Variants in SHROOM2 observed in about 807,000 individuals in gnomAD.
The protein encoded by SHROOM2 is shroom family member 2, also known as protein Shroom2.
SHROOM2 carries 33 observed loss-of-function variants against 75.9 expected under a neutral mutation model. That is an observed-to-expected ratio of 0.43 (90% CI 0.33 to 0.58). SHROOM2 has a LOEUF of 0.58. SHROOM2 is among the 20% of genes least tolerant of loss of function. SHROOM2 has a pLI of 0.04. For missense variants in SHROOM2, 1,434 were observed against 1,461.2 expected, an observed-to-expected ratio of 0.98 and a Z score of 0.30; for synonymous variants, 655 against 663.6, an observed-to-expected ratio of 0.99 and a Z score of 0.20.
intron 1 of SHROOM2, among the ~76,000 whole-genome samples, chrX:9,809,287 G>C (rs747964021): frequency 1.8e-5 from 2 of 111,359 alleles, no homozygotes; most frequent in East Asian, 5.7e-4. Context: ...CATCCAGCAC[G>C]GGAGAAAGAT....
chrX:9,932,117 T>C, intron 5 of SHROOM2, 58 bp from the exon 6 acceptor site: 1 of 1,035,068 alleles, frequency 9.7e-7, no homozygotes, highest in South Asian at 2.5e-5. Context: ...GTCCAGTCCC[T>C]TGTGGTGGGA....
At chrX:9,865,964 G>A (rs929759828) in intron 1 of SHROOM2, among the ~76,000 whole-genome samples, 3 of 110,515 alleles carry the variant, frequency 2.7e-5, no homozygotes, top group African/African-American at 9.9e-5. Flanking sequence ...GGGCTGACCT[G>A]ACCTTCCCCT....
chrX:9,857,263 A>G (rs1226934934), intron 1 of SHROOM2, among the ~76,000 whole-genome samples: 1 of 112,278 alleles, frequency 8.9e-6, no homozygotes, highest in Non-Finnish European at 1.9e-5. Context: ...TGATGTTTAT[A>G]CAGAGTGGGG....
chrX:9,813,846 G>A (rs1030025095), intron 1 of SHROOM2, among the ~76,000 whole-genome samples: 9 of 112,066 alleles, frequency 8.0e-5, no homozygotes, highest in African/African-American at 2.9e-4. Context: ...TGCCTCTGCT[G>A]TCCATTATGG....
In SHROOM2 at chrX:9,947,776, C is replaced by A. The variant is rs888414776; in HGVS notation, c.*839C>A. On this transcript the variant is annotated 3_prime_UTR_variant, in exon 10 of 10. Transcript: ENST00000380913. ...AACAGAAGATTTTTTCAGTTACTTT[C>A]CCCCCATGTATTTTGTATGCATATG... 8.9e-6 allele frequency: 1 copy of A among 112,138 alleles called. No homozygotes were observed. Among genetic ancestry groups the A allele is most frequent in the Non-Finnish European group, 1.9e-5 (1 of 53,246 alleles). The allele number at this position is 112,138 out of a possible 1,213,427, so 9.2% of individuals were successfully genotyped here. A position where few individuals can be genotyped will look rare whatever the true frequency, so the allele number is the denominator to read the frequency against.
intron 1 of SHROOM2, among the ~76,000 whole-genome samples, chrX:9,799,843 A>G (rs990435203): frequency 3.6e-5 from 4 of 110,949 alleles, no homozygotes; most frequent in East Asian, 2.8e-4. Context: ...TTAATTTTCA[A>G]TGACCATTTT....
chrX:9,935,639 G>C (rs961153837), intron 6 of SHROOM2, among the ~76,000 whole-genome samples: 2 of 111,465 alleles, frequency 1.8e-5, no homozygotes, highest in Non-Finnish European at 3.8e-5. Flanking sequence ...AGGAAAATAC[G>C]CAGTTAGTTC....
chrX:9,939,409 C>T (rs781016598), intron 8 of SHROOM2, 43 bp downstream of exon 8: 8 of 1,094,065 alleles, frequency 7.3e-6, no homozygotes, highest in Middle Eastern at 2.5e-4. Context: ...CGTGTCCAGG[C>T]AGGGGCAGGC....
chrX:9,909,289 A>C (rs912854365), intron 5 of SHROOM2, among the ~76,000 whole-genome samples: 2 of 112,799 alleles, frequency 1.8e-5, no homozygotes. Flanking sequence ...CAATATATAA[A>C]ATGAATCCAC....
intron 1 of SHROOM2, among the ~76,000 whole-genome samples, chrX:9,794,778 GT>G (rs1234907910): frequency 1.8e-5 from 2 of 112,257 alleles, no homozygotes; most frequent in Non-Finnish European, 3.8e-5. Context: ...AGTCACTAGG[GT>G]TCAGGATAGT....
At chrX:9,835,573 G>C (rs925321361) in intron 1 of SHROOM2, among the ~76,000 whole-genome samples, 1 of 112,516 alleles carries the variant, frequency 8.9e-6, no homozygotes, top group Non-Finnish European at 1.9e-5. Flanking sequence ...CCTCAAAGAA[G>C]GGTTGTGTTT....
intron 2 of SHROOM2, among the ~76,000 whole-genome samples, chrX:9,887,158 T>C (rs1396497073): frequency 8.9e-6 from 1 of 112,223 alleles, no homozygotes; most frequent in African/African-American, 3.2e-5. Flanking sequence ...GTTTTTTGGC[T>C]AACTGCTGGT....
At chrX:9,886,846 A>G (rs755708494) in intron 2 of SHROOM2, among the ~76,000 whole-genome samples, 19 of 112,424 alleles carry the variant, frequency 1.7e-4, no homozygotes, top group African/African-American at 9.7e-5. Context: ...TCTTCCACCC[A>G]TGGAACAGTA....
chrX:9,810,835 T>G (rs1287758392), intron 1 of SHROOM2, among the ~76,000 whole-genome samples: 2 of 111,194 alleles, frequency 1.8e-5, no homozygotes, highest in African/African-American at 6.6e-5. Flanking sequence ...GGTGTTATAA[T>G]TGTGACTTCA....
intron 2 of SHROOM2, among the ~76,000 whole-genome samples, chrX:9,878,004 T>C (rs1238190619): frequency 1.8e-5 from 2 of 111,928 alleles, no homozygotes; most frequent in Admixed American, 9.5e-5. Flanking sequence ...GAGTCATCCA[T>C]TTTTCTCCCT....
intron 1 of SHROOM2, among the ~76,000 whole-genome samples, chrX:9,800,746 G>C (rs2083719771): frequency 9.2e-6 from 1 of 108,611 alleles, no homozygotes; most frequent in Middle Eastern, 4.4e-3. Flanking sequence ...AATCTCCTGA[G>C]CGCAAGTGAT....
At chrX:9,839,010 G>C (rs937927185) in intron 1 of SHROOM2, among the ~76,000 whole-genome samples, 5 of 111,171 alleles carry the variant, frequency 4.5e-5, no homozygotes, top group Non-Finnish European at 9.4e-5. Flanking sequence ...TTCCTTCCCT[G>C]TCGCACGTGG....
chrX:9,881,947 A>G (rs929430553), intron 2 of SHROOM2, among the ~76,000 whole-genome samples: 10 of 112,073 alleles, frequency 8.9e-5, no homozygotes, highest in Admixed American at 9.5e-5. Flanking sequence ...TTTGAGGACA[A>G]ATTGAGTAAA....
At chrX:9,816,569 C>T (rs758095806) in intron 1 of SHROOM2, among the ~76,000 whole-genome samples, 23 of 106,152 alleles carry the variant, frequency 2.2e-4, no homozygotes, top group African/African-American at 8.0e-4. Flanking sequence ...GTGGTTAGCT[C>T]AGCCTTACCC....
Sources: gnomAD v4.1 joint callset for allele counts (sites outside exome capture counted in the v4.1 genomes callset) on GRCh38, gnomAD v4.1.1 for gene constraint, MANE v1.5 for transcripts, NCBI Gene and HGNC (gene_info 2026-07-23, HGNC 2026-07-21) for gene names.